Variants in ADCY9 observed in about 807,000 individuals in gnomAD.
The protein encoded by ADCY9 is adenylate cyclase 9.
A neutral mutation model predicts 101.5 loss-of-function variants in ADCY9; 50 were observed. The ratio of observed to expected loss-of-function variants is 0.49; its 90% CI spans 0.39 to 0.62. ADCY9 has a LOEUF of 0.62. Ranked by LOEUF, ADCY9 falls within the 20% of genes least tolerant of loss-of-function variation. ADCY9 has a pLI of 0.00. For missense variants in ADCY9, 1,662 were observed against 1,800.4 expected (o/e 0.92, Z 1.39); for synonymous variants, 905 against 769.3 (o/e 1.18, Z -2.92).
intron 2 of ADCY9, among the ~76,000 whole-genome samples, chr16:4,046,194 A>G (rs2056663471): frequency 6.6e-6 from 1 of 152,036 alleles, no homozygotes; most frequent in Non-Finnish European, 1.5e-5. Flanking sequence ...GCTGAGCCTT[A>G]AGTATCTGTC....
intron 2 of ADCY9, among the ~76,000 whole-genome samples, chr16:4,105,539 G>T (rs911610858): frequency 5.3e-5 from 8 of 152,010 alleles, no homozygotes; most frequent in African/African-American, 1.9e-4. Context: ...AATTGGCCGG[G>T]CATGGTGGCA....
intron 3 of ADCY9, 60 bp downstream of exon 3, chr16:4,007,308 C>T (rs1229813417): frequency 7.1e-7 from 1 of 1,408,388 alleles, no homozygotes; most frequent in East Asian, 2.4e-5. Flanking sequence ...ATTTCACGTG[C>T]TCTACTGCAG....
rs181484229 is a variant in ADCY9, at chr16:4,013,598, A to G, written c.1694-6040T>C. Among the ~76,000 whole-genome samples the G allele has an allele frequency of 4.8e-3, 726 of 152,382 alleles. 3 individuals carry two copies. Among genetic ancestry groups the G allele is most frequent in the Middle Eastern group, 0.034 (10 of 294 alleles). On this transcript the variant is annotated intron_variant, in intron 2 of 10. Transcript: ENST00000294016. Reference sequence around the variant, plus strand: ...AACAATAAACAGAAAAGAGGCAATCAGCTTGGGCTGGTTCAGAAACATTCC... The same window carrying G: ...AACAATAAACAGAAAAGAGGCAATCGGCTTGGGCTGGTTCAGAAACATTCC...
At chr16:3,987,210 C>G (rs2056200504) in intron 6 of ADCY9, among the ~76,000 whole-genome samples, 1 of 152,232 alleles carries the variant, frequency 6.6e-6, no homozygotes, top group Non-Finnish European at 1.5e-5. Flanking sequence ...TGGGAGGGCA[C>G]TCGCAGACCT....
intron 2 of ADCY9, among the ~76,000 whole-genome samples, chr16:4,083,159 T>C (rs934833860): frequency 1.3e-5 from 2 of 152,266 alleles, no homozygotes; most frequent in Non-Finnish European, 2.9e-5. Context: ...TGCGTTTTTT[T>C]GTTTGTTTGT....
intron 10 of ADCY9, among the ~76,000 whole-genome samples, chr16:3,968,003 A>G (rs942815980): frequency 1.4e-4 from 21 of 151,220 alleles, no homozygotes; most frequent in Non-Finnish European, 2.4e-4. Flanking sequence ...TTGCTGAATG[A>G]ACTTTTTGAA....
intron 2 of ADCY9, among the ~76,000 whole-genome samples, chr16:4,041,235 G>A (rs1254653806): frequency 1.3e-5 from 2 of 152,132 alleles, no homozygotes; most frequent in Non-Finnish European, 2.9e-5. Context: ...GGGCATGGTG[G>A]CTCACGCCTG....
chr16:3,963,663 C>T lies in ADCY9; in HGVS notation c.*2112G>A. On this transcript the variant is annotated 3_prime_UTR_variant, in exon 11 of 11. Transcript: ENST00000294016. ...AGTGTGTGCGGAGAACTTTGCGGAG[C>T]ATGTTCTGAGCGAGACAGCAAGGTC... The T allele has an allele frequency of 3.6e-6, 1 of 278,620 alleles. No individual in the cohort carries two copies. The highest frequency in any genetic ancestry group is 6.7e-6 in the Non-Finnish European group (1 of 149,928). The allele number at this position is 278,620 out of a possible 1,614,324, so 17.3% of individuals were successfully genotyped here.
intron 7 of ADCY9, among the ~76,000 whole-genome samples, chr16:3,981,527 A>G (rs1391267021): frequency 2.5e-5 from 2 of 79,316 alleles, no homozygotes; most frequent in Non-Finnish European, 7.5e-5. Context: ...CAAATTTGCT[A>G]AAAATCACTG....
chr16:4,044,830 G>A (rs935415245), intron 2 of ADCY9, among the ~76,000 whole-genome samples: 3 of 152,204 alleles, frequency 2.0e-5, no homozygotes, highest in Non-Finnish European at 2.9e-5. Context: ...CCAGGCAGGC[G>A]GAGGGACTCT....
At chr16:3,979,051 TAAAGA>T in intron 8 of ADCY9, 60 bp downstream of exon 8, 1 of 1,592,732 alleles carries the variant, frequency 6.3e-7, no homozygotes, top group South Asian at 1.1e-5. Context: ...CCAAGTGATT[TAAAGA>T]AAAGAGAGAT....
At position 4,050,673 on chromosome 16, in the gene ADCY9, A is replaced by C. The variant is rs545428452; in HGVS notation, c.1694-43115T>G. On this transcript the variant is annotated intron_variant, in intron 2 of 10. Coordinates refer to ENST00000294016, the MANE Select transcript of ADCY9 (RefSeq NM_001116.4). Reference sequence around the variant, plus strand: ...GGTTGCGGTGAGCCAAGTTCCTGCCACTGCATGCCAGTCTTGGCAACAAGA... The same window carrying C: ...GGTTGCGGTGAGCCAAGTTCCTGCCCCTGCATGCCAGTCTTGGCAACAAGA... Among the ~76,000 whole-genome samples the C allele has an allele frequency of 3.1e-5, 4 of 130,568 alleles. No individual in the cohort carries two copies. The Admixed American group carries it at 3.9e-4, about 13-fold the overall frequency. 85.7% of individuals were successfully genotyped at this position (130,568 alleles called of 152,430 possible).
chr16:3,957,836 C>A (rs1018405436), downstream of ADCY9, among the ~76,000 whole-genome samples: 1 of 152,204 alleles, frequency 6.6e-6, no homozygotes, highest in Non-Finnish European at 1.5e-5. Flanking sequence ...TCTCCCTGAA[C>A]CCTTTCACAT....
chr16:4,086,795 A>G (rs901537293), intron 2 of ADCY9, among the ~76,000 whole-genome samples: 25 of 151,916 alleles, frequency 1.6e-4, no homozygotes, highest in African/African-American at 4.8e-4. Flanking sequence ...TAGTAGCTGG[A>G]ATTACAGGCA....
chr16:3,997,948 G>C (rs1196738753), intron 3 of ADCY9, among the ~76,000 whole-genome samples: 1 of 152,104 alleles, frequency 6.6e-6, no homozygotes, highest in Non-Finnish European at 1.5e-5. Context: ...ACAAAAATTA[G>C]CTGGGTGTGG....
intron 2 of ADCY9, among the ~76,000 whole-genome samples, chr16:4,095,221 G>A (rs929595007): frequency 1.3e-5 from 2 of 151,962 alleles, no homozygotes; most frequent in African/African-American, 2.4e-5. Flanking sequence ...GGCTGATCTC[G>A]AACTCCTGAT....
At chr16:4,083,979 CAT>C (rs2056921368) in intron 2 of ADCY9, among the ~76,000 whole-genome samples, 1 of 152,182 alleles carries the variant, frequency 6.6e-6, no homozygotes, top group Admixed American at 6.5e-5. Context: ...AATTGTGTGA[CAT>C]GTGAATTACA....
intron 6 of ADCY9, among the ~76,000 whole-genome samples, chr16:3,988,085 G>A (rs1277144549): frequency 6.6e-6 from 1 of 152,100 alleles, no homozygotes; most frequent in Non-Finnish European, 1.5e-5. Context: ...TCACAGAGCT[G>A]AGCATCTAGG....
At chr16:3,959,682 T>G (rs536117526), downstream of ADCY9, among the ~76,000 whole-genome samples, 1 of 152,212 alleles carries the variant, frequency 6.6e-6, no homozygotes, top group Non-Finnish European at 1.5e-5. Flanking sequence ...TCTTCAAATA[T>G]ATTTAGATAA....
Sources: gnomAD v4.1 joint callset for allele counts (sites outside exome capture counted in the v4.1 genomes callset) on GRCh38, gnomAD v4.1.1 for gene constraint, MANE v1.5 for transcripts, NCBI Gene and HGNC (gene_info 2026-07-23, HGNC 2026-07-21) for gene names.